The following TBC1D14 variants were observed in gnomAD, a reference collection of about 807,000 sequenced individuals.
TBC1D14 encodes the protein TBC1 domain family, member 14.
A neutral mutation model predicts 79.0 loss-of-function variants in TBC1D14; 26 were observed. The ratio of observed to expected loss-of-function variants is 0.33; its 90% CI spans 0.24 to 0.46. The LOEUF (loss-of-function observed/expected upper bound fraction) is 0.46. Ranked by LOEUF, TBC1D14 falls within the 20% of genes least tolerant of loss-of-function variation. The pLI is 1.00. For missense variants in TBC1D14, 769 were observed against 887.6 expected, an observed-to-expected ratio of 0.87 and a Z score of 1.70; for synonymous variants, 394 against 349.9, an observed-to-expected ratio of 1.13 and a Z score of -1.40.
Position 6,941,180 on chromosome 4 carries a change from C to CTTTT in TBC1D14, c.722+17089_722+17092dup, listed in dbSNP as rs35201238. Reference sequence around the variant, plus strand: ...ACTTGCCTGTATCTGAGGAAAGCAGCTTTTTTTTTTTTTTTTTTTTTTTGA... The same window carrying CTTTT: ...ACTTGCCTGTATCTGAGGAAAGCAGCTTTTTTTTTTTTTTTTTTTTTTTTTTTGA... On this transcript the variant is annotated intron_variant, in intron 2 of 13. Coordinates refer to ENST00000409757, the MANE Select transcript of TBC1D14 (RefSeq NM_020773.3). 1.4e-3 allele frequency among the ~76,000 whole-genome samples: 124 copies of CTTTT among 87,766 alleles called. 2 individuals carry two copies. Among genetic ancestry groups the CTTTT allele is most frequent in the African/African-American group, 2.2e-3 (43 of 19,252 alleles). 57.6% of individuals were successfully genotyped at this position (87,766 alleles called of 152,430 possible).
intron 7 of TBC1D14, among the ~76,000 whole-genome samples, chr4:7,003,026 C>T (rs908694936): frequency 6.6e-6 from 1 of 152,146 alleles, no homozygotes; most frequent in Non-Finnish European, 1.5e-5. Flanking sequence ...TTGGAGAGCC[C>T]TAAGGTTTTG....
Position 7,004,894 on chromosome 4 carries a change from AGCACAG to A in TBC1D14, c.1323_1328del (p.Ser441_Gly443delinsArg). The A allele has an allele frequency of 6.2e-7, 1 of 1,614,114 alleles. No homozygotes were observed. Among genetic ancestry groups the A allele is most frequent in the Non-Finnish European group, 8.5e-7 (1 of 1,180,016 alleles). ...AGCCAAGGAGAGGTGGCGGTCCCTTAGCACAGGAGGCTCTGAAGTGGAGAACGAAGG... is the reference window on the plus strand; with the variant it reads ...AGCCAAGGAGAGGTGGCGGTCCCTTAGAGGCTCTGAAGTGGAGAACGAAGG... On this transcript the variant is annotated inframe_deletion, in exon 8 of 14. Coordinates refer to ENST00000409757, the MANE Select transcript of TBC1D14 (RefSeq NM_020773.3).
intron 2 of TBC1D14, among the ~76,000 whole-genome samples, chr4:6,956,541 G>A (rs905760757): frequency 2.0e-5 from 3 of 152,208 alleles, no homozygotes; most frequent in African/African-American, 4.8e-5. Context: ...TGACTGACAC[G>A]CCCGGTCCCC....
chr4:6,939,223 G>A (rs1305264421), intron 2 of TBC1D14, among the ~76,000 whole-genome samples: 1 of 152,166 alleles, frequency 6.6e-6, no homozygotes, highest in East Asian at 1.9e-4. Context: ...TCTGGAATCA[G>A]CAGTAGTCCC....
At chr4:7,000,045 G>A (rs1423794136) in intron 6 of TBC1D14, among the ~76,000 whole-genome samples, 1 of 152,182 alleles carries the variant, frequency 6.6e-6, no homozygotes, top group African/African-American at 2.4e-5. Flanking sequence ...AGCACTGCAG[G>A]GGTCACGCGG....
At chr4:7,014,579 G>T in intron 12 of TBC1D14, 22 bp downstream of exon 12, 1 of 1,509,736 alleles carries the variant, frequency 6.6e-7, no homozygotes, top group Non-Finnish European at 9.2e-7. Context: ...TTTTCCCTGT[G>T]TTTTCAGAGC....
intron 9 of TBC1D14, chr4:7,007,421 C>G: frequency 1.6e-6 from 1 of 606,098 alleles, no homozygotes; most frequent in African/African-American, 1.9e-5. Context: ...ATCTGGGGAT[C>G]TTTTGATCCC....
intron 3 of TBC1D14, among the ~76,000 whole-genome samples, chr4:6,988,411 A>G (rs570647521): frequency 1.3e-5 from 2 of 152,344 alleles, no homozygotes; most frequent in East Asian, 3.9e-4. Context: ...AGGCTTGTGG[A>G]TGGAGGAGGA....
At chr4:7,018,231 A>G (rs912759586) in intron 12 of TBC1D14, among the ~76,000 whole-genome samples, 2 of 152,176 alleles carry the variant, frequency 1.3e-5, no homozygotes, top group African/African-American at 4.8e-5. Flanking sequence ...GGTATAAAGC[A>G]TGCTAAGTTC....
intron 1 of TBC1D14, among the ~76,000 whole-genome samples, chr4:6,920,290 G>C (rs955737727): frequency 2.0e-5 from 3 of 151,166 alleles, no homozygotes; most frequent in African/African-American, 7.3e-5. Context: ...TGTTTTTCTG[G>C]AGACAGGATT....
intron 11 of TBC1D14, among the ~76,000 whole-genome samples, chr4:7,013,879 G>C (rs556938450): frequency 4.6e-5 from 7 of 152,262 alleles, no homozygotes; most frequent in African/African-American, 1.7e-4. Flanking sequence ...GAGTAGCTGG[G>C]ACTACAGGCG....
At chr4:6,982,489 C>T (rs1424591012) in intron 3 of TBC1D14, among the ~76,000 whole-genome samples, 1 of 152,086 alleles carries the variant, frequency 6.6e-6, no homozygotes, top group Non-Finnish European at 1.5e-5. Flanking sequence ...GAGAGTGATC[C>T]AACTGTTTTA....
intron 2 of TBC1D14, among the ~76,000 whole-genome samples, chr4:6,960,092 T>TTA (rs1304587504): frequency 1.3e-5 from 2 of 150,704 alleles, no homozygotes; most frequent in East Asian, 3.9e-4. Context: ...TTTTTTTTTT[T>TTA]TTTTTTTGAC....
intron 2 of TBC1D14, among the ~76,000 whole-genome samples, chr4:6,937,934 T>C (rs1398612590): frequency 6.6e-6 from 1 of 152,018 alleles, no homozygotes; most frequent in Non-Finnish European, 1.5e-5. Context: ...ACGTCTGACG[T>C]AGGCTCCCCC....
At chr4:6,930,729 T>C (rs1371639378) in intron 2 of TBC1D14, among the ~76,000 whole-genome samples, 1 of 149,910 alleles carries the variant, frequency 6.7e-6, no homozygotes, top group Admixed American at 6.7e-5. Context: ...ATCTGAGAGG[T>C]AGAGGTTGCA....
At chr4:6,935,648 CT>C (rs35944828) in intron 2 of TBC1D14, among the ~76,000 whole-genome samples, 80,412 of 145,974 alleles carry the variant, frequency 0.55, 22,032 homozygotes, top group East Asian at 0.66. Flanking sequence ...TGTGAGTGTA[CT>C]TTTTTTTTTT....
chr4:6,962,774 G>C (rs903100276), intron 2 of TBC1D14, among the ~76,000 whole-genome samples: 1 of 152,112 alleles, frequency 6.6e-6, no homozygotes, highest in East Asian at 1.9e-4. Flanking sequence ...CCTGCTGAGA[G>C]GTTACCTCTG....
Position 7,010,698 on chromosome 4 carries a change from G to C in TBC1D14, c.1564G>C (p.Asp522His), listed in dbSNP as rs999112604. The change falls in exon 11 of 14, where the codon GAT becomes CAT. Residue 522 changes from aspartate to histidine, a missense_variant. Transcript: ENST00000409757. ...FIAAVLILNL[D>H]TADAFIAFSN... The stretch of plus-strand genomic sequence containing the variant: ...AGCAGCAGTGTTGATCTTGAACTTA[G>C]ATACTGCAGATGCCTTTATTGCCTT... The C allele has an allele frequency of 6.2e-7, 1 of 1,614,010 alleles. No individual in the cohort carries two copies. The highest frequency in any genetic ancestry group is 1.3e-5 in the African/African-American group (1 of 74,904).
chr4:6,980,631 G>C (rs1003543280), intron 3 of TBC1D14, among the ~76,000 whole-genome samples: 5 of 151,428 alleles, frequency 3.3e-5, no homozygotes, highest in African/African-American at 1.2e-4. Flanking sequence ...CTGACAAAAA[G>C]AGAATAAAAT....
Sources: gnomAD v4.1 joint callset for allele counts (sites outside exome capture counted in the v4.1 genomes callset) on GRCh38, gnomAD v4.1.1 for gene constraint, MANE v1.5 for transcripts, NCBI Gene and HGNC (gene_info 2026-07-23, HGNC 2026-07-21) for gene names.